The following ENO4 variants were observed in gnomAD, a reference collection of about 807,000 sequenced individuals.
The protein encoded by ENO4 is enolase 4, also known as 2-phospho-D-glycerate hydro-lyase.
Under a neutral mutation model 63.2 loss-of-function variants are expected in ENO4, and 53 were observed. That is an observed-to-expected ratio of 0.84 (90% confidence interval 0.67 to 1.05). The LOEUF (loss-of-function observed/expected upper bound fraction) is 1.05. Ranked by LOEUF, ENO4 falls within the 50% of genes least tolerant of loss-of-function variation. The pLI is 0.00. For missense variants in ENO4, 719 were observed against 772.0 expected, an observed-to-expected ratio of 0.93 and a Z score of 0.81; for synonymous variants, 266 against 283.8, an observed-to-expected ratio of 0.94 and a Z score of 0.63.
chr10:116,870,254 T>C (rs1472641840), intron 8 of ENO4, among the ~76,000 whole-genome samples: 1 of 152,232 alleles, frequency 6.6e-6, no homozygotes, highest in Non-Finnish European at 1.5e-5. Context: ...TGGCAATTTA[T>C]GGCGAGGGCA....
At chr10:116,854,809 C>T (rs954203519) in intron 1 of ENO4, among the ~76,000 whole-genome samples, 13 of 150,140 alleles carry the variant, frequency 8.7e-5, no homozygotes, top group East Asian at 4.0e-4. Flanking sequence ...GGTGTGGTGG[C>T]GTGTGCCTAT....
chr10:116,907,824 T>A (rs1407885176), intron 10 of ENO4: 5 of 503,120 alleles, frequency 9.9e-6, no homozygotes, highest in Non-Finnish European at 2.0e-5. Flanking sequence ...AAAGACAGCT[T>A]TTGTCCACCA....
intron 11 of ENO4, among the ~76,000 whole-genome samples, chr10:116,876,471 AC>A (rs1288049516): frequency 1.3e-5 from 2 of 152,114 alleles, no homozygotes; most frequent in African/African-American, 4.8e-5. Context: ...TTCCAAGCTC[AC>A]CCCCTTTACT....
chr10:116,875,928 CA>C (rs775538168), intron 10 of ENO4, 136 bp from the exon 11 acceptor site: 10,188 of 596,310 alleles, frequency 0.017, 116 homozygotes, highest in Non-Finnish European at 0.023. Context: ...CAGGGTCATT[CA>C]GGAACAGAAG....
chr10:116,876,807 C>T lies in ENO4; in HGVS notation c.1537+547C>T, dbSNP rs568142397. ...TCTAGTAAAAATACAAAAAATTGGCCGGGTGTGGTGGCGGGCGCCTGTAGT... is the reference window on the plus strand; with the variant it reads ...TCTAGTAAAAATACAAAAAATTGGCTGGGTGTGGTGGCGGGCGCCTGTAGT... On this transcript the variant is annotated intron_variant, in intron 11 of 13. Transcript: ENST00000341276. Among the ~76,000 whole-genome samples, 142 of 152,046 alleles carry T rather than the reference C, an allele frequency of 9.3e-4. 1 individual carries two copies. The highest frequency in any genetic ancestry group is 4.1e-4 in the Non-Finnish European group (28 of 67,978).
At chr10:116,884,418 A>G, downstream of ENO4, 1 of 366,584 alleles carries the variant, frequency 2.7e-6, no homozygotes, top group East Asian at 7.5e-5. Context: ...AGCAGCTTAA[A>G]AAAGGCAGGA....
At chr10:116,897,961 C>A (rs9421255) in intron 10 of ENO4, among the ~76,000 whole-genome samples, 4,115 of 152,208 alleles carry the variant, frequency 0.027, 180 homozygotes, top group African/African-American at 0.094. Flanking sequence ...GTTTTTCTGA[C>A]CCTGGGCAAC....
At chr10:116,865,993 A>G (rs1281466666) in intron 7 of ENO4, among the ~76,000 whole-genome samples, 1 of 152,156 alleles carries the variant, frequency 6.6e-6, no homozygotes, top group African/African-American at 2.4e-5. Context: ...TATTACCCCT[A>G]TTACATAGAT....
intron 10 of ENO4, among the ~76,000 whole-genome samples, chr10:116,897,585 T>A (rs1847567753): frequency 6.6e-6 from 1 of 152,218 alleles, no homozygotes; most frequent in Non-Finnish European, 1.5e-5. Context: ...TCCTTGATGA[T>A]CCATTATCCC....
chr10:116,865,152 T>C (rs1846518450), intron 7 of ENO4, among the ~76,000 whole-genome samples: 1 of 152,210 alleles, frequency 6.6e-6, no homozygotes, highest in African/African-American at 2.4e-5. Context: ...TATTGATATC[T>C]AGGAATTCTT....
At chr10:116,899,768 C>A (rs1847665677) in intron 10 of ENO4, among the ~76,000 whole-genome samples, 1 of 152,110 alleles carries the variant, frequency 6.6e-6, no homozygotes, top group Non-Finnish European at 1.5e-5. Context: ...TAATTGCTGA[C>A]CCGACTTCAA....
At chr10:116,872,847 A>T (rs1014589431) in intron 9 of ENO4, among the ~76,000 whole-genome samples, 2 of 152,198 alleles carry the variant, frequency 1.3e-5, no homozygotes, top group African/African-American at 4.8e-5. Context: ...TTTGAACTCT[A>T]TAAAAGAGCC....
intron 13 of ENO4, 161 bp from the exon 14 acceptor site, chr10:116,881,354 A>G: frequency 1.8e-6 from 1 of 569,332 alleles, no homozygotes; most frequent in East Asian, 3.0e-5. Context: ...CAATTAACAT[A>G]TAACCAAAGA....
chr10:116,876,687 A>G (rs1403948340), intron 11 of ENO4, among the ~76,000 whole-genome samples: 1 of 152,252 alleles, frequency 6.6e-6, no homozygotes, highest in Non-Finnish European at 1.5e-5. Context: ...GCAGTGGCTC[A>G]TGCCTGTAAT....
intron 10 of ENO4, chr10:116,900,872 T>C (rs968398471): frequency 9.1e-6 from 9 of 985,056 alleles, no homozygotes; most frequent in Non-Finnish European, 1.1e-5. Context: ...AAAAAGTTAA[T>C]AGTAGCAATG....
intron 10 of ENO4, chr10:116,907,752 T>C: frequency 2.5e-6 from 1 of 404,744 alleles, no homozygotes; most frequent in Non-Finnish European, 5.0e-6. Flanking sequence ...ACATAATCTT[T>C]TGATCAGAGG....
downstream of ENO4, among the ~76,000 whole-genome samples, chr10:116,886,762 CA>C (rs1168886077): frequency 2.0e-5 from 3 of 152,170 alleles, no homozygotes; most frequent in African/African-American, 4.8e-5. Context: ...ACTAGGAGCA[CA>C]AGGCCAGAAG....
intron 7 of ENO4, 136 bp from the exon 8 acceptor site, chr10:116,868,514 C>T (rs999231762): frequency 4.6e-5 from 34 of 738,772 alleles, no homozygotes; most frequent in Non-Finnish European, 5.9e-5. Context: ...TGCATGAGTG[C>T]GTGTGTGTGC....
At chr10:116,854,940 CAAAAAAAAAA>C (rs71013620) in intron 1 of ENO4, among the ~76,000 whole-genome samples, 105 of 41,540 alleles carry the variant, frequency 2.5e-3, no homozygotes, top group Non-Finnish European at 3.2e-3. Context: ...GACCCTGTCT[CAAAAAAAAAA>C]AAAAAAAAAA....
Sources: allele counts gnomAD v4.1 joint callset (sites outside exome capture counted in the v4.1 genomes callset), GRCh38; gene constraint gnomAD v4.1.1; transcripts MANE v1.5; gene names NCBI Gene and HGNC (gene_info 2026-07-23, HGNC 2026-07-21).